Variants in PCCA observed in about 807,000 individuals in gnomAD.
PCCA encodes propionyl-CoA carboxylase alpha chain, mitochondrial.
Under a neutral mutation model 101.3 loss-of-function variants are expected in PCCA, and 74 were observed. The observed-to-expected ratio is 0.73, with a 90% confidence interval of 0.61 to 0.89. The LOEUF is 0.89. Among genes scored for constraint, PCCA ranks in the 40% least tolerant of loss-of-function variants. PCCA has a pLI of 0.00. For synonymous variants in PCCA, 294 were observed against 313.6 expected, an observed-to-expected ratio of 0.94 and a Z score of 0.66; for missense variants, 891 against 907.0, an observed-to-expected ratio of 0.98 and a Z score of 0.23.
intron 12 of PCCA, among the ~76,000 whole-genome samples, chr13:100,281,352 C>T (rs922915112): frequency 2.6e-5 from 4 of 152,134 alleles, no homozygotes; most frequent in African/African-American, 9.7e-5. Context: ...GGCCACAGTG[C>T]ATGATAAGTG....
intron 4 of PCCA, among the ~76,000 whole-genome samples, chr13:100,120,720 T>C (rs532384007): frequency 2.0e-5 from 3 of 152,290 alleles, no homozygotes; most frequent in Non-Finnish European, 4.4e-5. Flanking sequence ...AAGCCTCTTA[T>C]TAAGTCATGA....
rs181653270 is a variant in PCCA, at chr13:100,420,909, T to C, written c.1747-4724T>C. 2.4e-3 allele frequency among the ~76,000 whole-genome samples: 361 copies of C among 152,062 alleles called. 6 individuals are homozygous for C. In the South Asian group the frequency reaches 0.025, roughly 10 times the overall value. ...ACAGAGAAAATGAGCACACTTCACT[T>C]GAAAAAAAAACTTTAGAGTGGATGT... is the stretch of plus-strand genomic sequence containing the variant. On this transcript the variant is annotated intron_variant, in intron 19 of 23. Coordinates refer to ENST00000376285, the MANE Select transcript of PCCA (RefSeq NM_000282.4).
intron 4 of PCCA, among the ~76,000 whole-genome samples, chr13:100,151,488 A>T (rs974164019): frequency 2.6e-5 from 4 of 152,012 alleles, no homozygotes; most frequent in African/African-American, 9.7e-5. Context: ...CTACTTGGGA[A>T]GGCTGAGGCA....
chr13:100,292,025 T>G (rs2065163753), intron 12 of PCCA, among the ~76,000 whole-genome samples: 1 of 152,156 alleles, frequency 6.6e-6, no homozygotes. Flanking sequence ...TTAGTAACTC[T>G]GGGGGAGATA....
At chr13:100,238,319 C>T (rs2060929749) in intron 8 of PCCA, among the ~76,000 whole-genome samples, 1 of 152,122 alleles carries the variant, frequency 6.6e-6, no homozygotes, top group Non-Finnish European at 1.5e-5. Context: ...TAGTTCTCAT[C>T]ACTTTGCTTT....
At chr13:100,470,726 C>T (rs1021233366) in intron 21 of PCCA, among the ~76,000 whole-genome samples, 1 of 152,056 alleles carries the variant, frequency 6.6e-6, no homozygotes, top group African/African-American at 2.4e-5. Context: ...TGGTGGCTTA[C>T]GCTTGTAGTC....
chr13:100,090,826 A>C (rs2152199941), intron 1 of PCCA, among the ~76,000 whole-genome samples: 1 of 152,342 alleles, frequency 6.6e-6, no homozygotes, highest in Non-Finnish European at 1.5e-5. Flanking sequence ...CTGAGTGTTA[A>C]TGTGACTTGC....
At chr13:100,164,284 A>T in intron 6 of PCCA, among the ~76,000 whole-genome samples, 1 of 152,206 alleles carries the variant, frequency 6.6e-6, no homozygotes, top group South Asian at 2.1e-4. Context: ...ATTAGATAGA[A>T]AAAAAATGTT....
intron 6 of PCCA, among the ~76,000 whole-genome samples, chr13:100,185,883 G>T (rs2057221727): frequency 6.6e-6 from 1 of 152,054 alleles, no homozygotes; most frequent in South Asian, 2.1e-4. Flanking sequence ...CCGACCTCAG[G>T]CGATCCACCC....
intron 14 of PCCA, among the ~76,000 whole-genome samples, chr13:100,303,701 T>G (rs188192969): frequency 6.6e-6 from 1 of 152,146 alleles, no homozygotes; most frequent in African/African-American, 2.4e-5. Flanking sequence ...TTCATTTTGA[T>G]TACTGGCATG....
At chr13:100,288,662 A>G (rs1375946774) in intron 12 of PCCA, among the ~76,000 whole-genome samples, 1 of 152,258 alleles carries the variant, frequency 6.6e-6, no homozygotes, top group African/African-American at 2.4e-5. Flanking sequence ...GGACAAGTGT[A>G]TCTACCATTA....
At chr13:100,215,648 A>T (rs1036619161) in intron 7 of PCCA, among the ~76,000 whole-genome samples, 5 of 151,660 alleles carry the variant, frequency 3.3e-5, no homozygotes. Context: ...TTATATATTT[A>T]TTTTTTTGAG....
At chr13:100,414,608 C>A (rs951122158) in intron 19 of PCCA, among the ~76,000 whole-genome samples, 3 of 152,154 alleles carry the variant, frequency 2.0e-5, no homozygotes, top group Non-Finnish European at 4.4e-5. Flanking sequence ...TGCTTATTGT[C>A]AGCATCTTGG....
At chr13:100,380,445 C>G (rs1486548986) in intron 19 of PCCA, among the ~76,000 whole-genome samples, 1 of 152,174 alleles carries the variant, frequency 6.6e-6, no homozygotes, top group African/African-American at 2.4e-5. Context: ...TACAAACAGC[C>G]TTGTAATCAA....
chr13:100,289,104 A>G (rs570517337), intron 12 of PCCA, among the ~76,000 whole-genome samples: 1 of 152,212 alleles, frequency 6.6e-6, no homozygotes, highest in African/African-American at 2.4e-5. Context: ...AAATATTTAT[A>G]TACAGTATAA....
At chr13:100,441,456 G>A (rs1314500234) in intron 20 of PCCA, among the ~76,000 whole-genome samples, 1 of 152,110 alleles carries the variant, frequency 6.6e-6, no homozygotes, top group African/African-American at 2.4e-5. Flanking sequence ...TGGAACATTT[G>A]ATTTATTGTT....
At chr13:100,196,736 A>T (rs2058127382) in intron 6 of PCCA, among the ~76,000 whole-genome samples, 1 of 152,220 alleles carries the variant, frequency 6.6e-6, no homozygotes, top group African/African-American at 2.4e-5. Context: ...AGCATCCCAA[A>T]CATTTAAAAA....
At chr13:100,245,727 C>T (rs947032034) in intron 8 of PCCA, among the ~76,000 whole-genome samples, 1 of 152,188 alleles carries the variant, frequency 6.6e-6, no homozygotes, top group African/African-American at 2.4e-5. Context: ...CCACCATCTC[C>T]TAAATATTTC....
intron 2 of PCCA, among the ~76,000 whole-genome samples, chr13:100,109,898 G>A (rs113751062): frequency 0.033 from 5,099 of 152,232 alleles, 288 homozygotes; most frequent in African/African-American, 0.12. Flanking sequence ...TTGGGAGGCC[G>A]AGGCAGGCGG....
Sources: allele counts gnomAD v4.1 joint callset (sites outside exome capture counted in the v4.1 genomes callset), GRCh38; gene constraint gnomAD v4.1.1; transcripts MANE v1.5; gene names NCBI Gene and HGNC (gene_info 2026-07-23, HGNC 2026-07-21).